Variants in HNF1A observed in about 807,000 individuals in gnomAD.
The protein encoded by HNF1A is HNF1 homeobox A, also known as hepatocyte nuclear factor 1-alpha.
HNF1A carries 21 observed loss-of-function variants against 62.2 expected under a neutral mutation model. The observed-to-expected ratio is 0.34, with a 90% CI of 0.24 to 0.49. The LOEUF is 0.49. Among genes scored for constraint, HNF1A ranks in the 20% least tolerant of loss-of-function variants. HNF1A has a pLI of 0.99. For missense variants in HNF1A, 687 were observed against 832.3 expected (o/e 0.83, Z 2.15); for synonymous variants, 374 against 366.8 (o/e 1.02, Z -0.22).
intron 2 of HNF1A, among the ~76,000 whole-genome samples, chr12:120,989,600 G>A (rs549535280): frequency 1.3e-5 from 2 of 152,330 alleles, no homozygotes; most frequent in South Asian, 4.1e-4. Flanking sequence ...AAGTGGGAAA[G>A]TGGGAGAAAA....
At chr12:120,979,967 T>G (rs1876166932) in intron 1 of HNF1A, among the ~76,000 whole-genome samples, 1 of 150,960 alleles carries the variant, frequency 6.6e-6, no homozygotes, top group African/African-American at 2.4e-5. Flanking sequence ...GGGATGGGGG[T>G]GTGGGGGAGA....
At chr12:120,994,857 C>T (rs1292147116) in intron 4 of HNF1A, among the ~76,000 whole-genome samples, 3 of 150,190 alleles carry the variant, frequency 2.0e-5, no homozygotes, top group Non-Finnish European at 4.5e-5. Context: ...CTACTACATT[C>T]AACTCTACTC....
At chr12:120,984,790 C>G (rs1165449396) in intron 1 of HNF1A, among the ~76,000 whole-genome samples, 1 of 151,966 alleles carries the variant, frequency 6.6e-6, no homozygotes, top group Non-Finnish European at 1.5e-5. Flanking sequence ...CCAACTAGAT[C>G]ACCTTGCACA....
At position 121,002,421 on chromosome 12, in the gene HNF1A, G is replaced by A. The variant is rs1877562295; in HGVS notation, c.*1229G>A. On this transcript the variant is annotated 3_prime_UTR_variant, in exon 10 of 10. Transcript: ENST00000257555. ...CCTGGGATTCAGGAAAAGGCCTGGG[G>A]TGACCCGGCACCCCCTGCAGCTTGT... 1 of 531,640 alleles carries A rather than the reference G, an allele frequency of 1.9e-6. No homozygotes were observed. Among genetic ancestry groups the A allele is most frequent in the South Asian group, 1.5e-5 (1 of 65,098 alleles). 32.9% of individuals were successfully genotyped at this position (531,640 alleles called of 1,614,324 possible).
chr12:120,988,367 CCAGTCCATCCATCTAT>C (rs1047115898), intron 1 of HNF1A, among the ~76,000 whole-genome samples: 1 of 151,232 alleles, frequency 6.6e-6, no homozygotes, highest in African/African-American at 2.4e-5. Context: ...CATCCATCCA[CCAGTCCATCCATCTAT>C]CCACCAATTC....
intron 4 of HNF1A, among the ~76,000 whole-genome samples, chr12:120,995,731 T>C (rs1428198269): frequency 1.3e-5 from 2 of 151,778 alleles, no homozygotes; most frequent in Non-Finnish European, 2.9e-5. Context: ...CTCCACCCTA[T>C]ACCATTCCAC....
chr12:120,983,584 T>G (rs535709544), intron 1 of HNF1A, among the ~76,000 whole-genome samples: 1 of 151,724 alleles, frequency 6.6e-6, no homozygotes, highest in Non-Finnish European at 1.5e-5. Context: ...CTCACTCTGT[T>G]GCTGGGGGTG....
At chr12:120,993,748 T>C (rs778236286) in intron 3 of HNF1A, 42 bp downstream of exon 3, 1 of 1,601,214 alleles carries the variant, frequency 6.2e-7, no homozygotes, top group Admixed American at 1.7e-5. Flanking sequence ...TGGTCTGGGC[T>C]GCGGCAAGGC....
Position 120,997,607 on chromosome 12 carries a change from G to C in HNF1A, c.1443G>C (p.Gln481His), listed in dbSNP as rs2135847980. The change falls in exon 7 of 10, where the codon CAG becomes CAC. Residue 481 changes from glutamine to histidine, a missense_variant. Physicochemically the swap from Gln to His is conservative, Grantham distance 24 (BLOSUM62 0). Coordinates refer to ENST00000257555, the MANE Select transcript of HNF1A (RefSeq NM_000545.8). ...SYQQPLMPPV[Q>H]SHVTQSPFMA... ...AGCAGCCGCTCATGCCACCTGTGCA[G>C]AGCCATGTGACCCAGAGCCCCTTCA... The C allele has an allele frequency of 6.2e-7, 1 of 1,613,712 alleles. No homozygotes were observed. Among genetic ancestry groups the C allele is most frequent in the Non-Finnish European group, 8.5e-7 (1 of 1,179,898 alleles).
chr12:120,997,349 TGA>T, intron 6 of HNF1A, 123 bp from the exon 7 acceptor site: 3 of 1,338,042 alleles, frequency 2.2e-6, no homozygotes, highest in Non-Finnish European at 2.0e-6. Flanking sequence ...GGCTGTTTCC[TGA>T]CCACCCTGCC....
chr12:120,999,188 C>G (rs1331973472), intron 7 of HNF1A, 80 bp from the exon 8 acceptor site: 4 of 1,563,132 alleles, frequency 2.6e-6, no homozygotes, highest in Non-Finnish European at 3.5e-6. Context: ...CCCCATGCCC[C>G]CCTTTCCCCA....
Position 120,996,735 on chromosome 12 carries a change from G to C in HNF1A, c.1302G>C (p.Leu434=), listed in dbSNP as rs905017142. The stretch of plus-strand genomic sequence containing the variant: ...TCACCAACACAGGTGCCTCCACCCT[G>C]GTCATCGGTAAGCTGGTGGGGATGG... ...PTFTNTGAST[L]VIGLASTQAQ... is the part of the protein sequence containing the mutation. Residue 434 remains leucine, a synonymous_variant, in exon 6 of 10, where the codon CTG becomes CTC. Coordinates refer to ENST00000257555, the MANE Select transcript of HNF1A (RefSeq NM_000545.8). The surrounding 1 kb of genome is among the most constrained non-coding windows in gnomAD (Gnocchi z 4.5). The C allele has an allele frequency of 2.5e-6, 4 of 1,613,940 alleles. No individual in the cohort carries two copies. In the African/African-American group the frequency reaches 5.3e-5, roughly 22 times the overall value.
chr12:120,999,505 C>T lies in HNF1A; in HGVS notation c.1646C>T (p.Ala549Val). Residue 549 changes from alanine to valine, a missense_variant, in exon 9 of 10, where the codon GCC (alanine) becomes GTC (valine). Ala to Val is a moderately conservative substitution (Grantham distance 64, BLOSUM62 0). Around this residue, in one of 5 missense-constraint regions of HNF1A, gnomAD observed 408 missense variants for 455.3 expected, o/e 0.90. Transcript: ENST00000257555. ...CAGGTCTTCACCTCAGACACTGAGG[C>T]CTCCAGTGAGTCCGGGCTTCACACG... ...TKQVFTSDTEASSESGLHTPA... is the reference protein window; with the variant it reads ...TKQVFTSDTEVSSESGLHTPA... 5 of 1,613,746 alleles carry T rather than the reference C, an allele frequency of 3.1e-6. No individual in the cohort carries two copies. Among genetic ancestry groups the T allele is most frequent in the Non-Finnish European group, 2.5e-6 (3 of 1,179,952 alleles).
At chr12:120,987,881 G>C (rs1876600455) in intron 1 of HNF1A, among the ~76,000 whole-genome samples, 1 of 151,598 alleles carries the variant, frequency 6.6e-6, no homozygotes, top group South Asian at 2.1e-4. Context: ...TTTGAGACAG[G>C]GTCTTGTTCT....
At chr12:120,983,373 A>AG (rs1206967150) in intron 1 of HNF1A, among the ~76,000 whole-genome samples, 1 of 152,102 alleles carries the variant, frequency 6.6e-6, no homozygotes, top group East Asian at 1.9e-4. Context: ...TAGCAGTGTG[A>AG]GGTAGGGGTG....
Position 120,997,658 on chromosome 12 carries a change from C to A in HNF1A, c.1494C>A (p.Ser498Arg), listed in dbSNP as rs138145827. ...PFMATMAQLQSPHALYSHKPE... is the reference protein window; with the variant it reads ...PFMATMAQLQRPHALYSHKPE... ...TGGCCACCATGGCTCAGCTGCAGAGCCCCCACGGTGAGCGCCCTGTGCCCC... is the reference window on the plus strand; with the variant it reads ...TGGCCACCATGGCTCAGCTGCAGAGACCCCACGGTGAGCGCCCTGTGCCCC... Residue 498 changes from serine (S) to arginine (R), a missense_variant, in exon 7 of 10, where the codon AGC (serine) becomes AGA (arginine). Physicochemically the swap from Ser to Arg is moderately radical, Grantham distance 110. This residue lies in a region of HNF1A where 408 missense variants were observed against 455.3 expected (regional missense o/e 0.90). Transcript: ENST00000257555. 2.0e-5 allele frequency: 33 copies of A among 1,610,912 alleles called. No homozygotes were observed. Among genetic ancestry groups the A allele is most frequent in the Non-Finnish European group, 2.7e-5 (32 of 1,178,698 alleles).
Position 120,997,187 on chromosome 12 carries a change from G to A in HNF1A, c.1310-287G>A, listed in dbSNP as rs1819461504. On this transcript the variant is annotated intron_variant, in intron 6 of 9. Transcript: ENST00000257555. ...CTGACCCCATGGCCTTTGCACTGCT[G>A]TGGAACCCCAGGGCTCCAGGGAACC... The A allele has an allele frequency of 1.3e-5, 18 of 1,414,400 alleles. No homozygotes were observed. In the South Asian group the frequency reaches 2.5e-4, roughly 19 times the overall value. The allele number at this position is 1,414,400 out of a possible 1,614,324, so 87.6% of individuals were successfully genotyped here.
At chr12:120,984,540 T>C (rs1876415687) in intron 1 of HNF1A, among the ~76,000 whole-genome samples, 1 of 152,044 alleles carries the variant, frequency 6.6e-6, no homozygotes, top group African/African-American at 2.4e-5. Flanking sequence ...GGGTGATGGC[T>C]GCAGATGGGG....
intron 1 of HNF1A, among the ~76,000 whole-genome samples, chr12:120,980,042 C>T (rs1876172044): frequency 6.6e-6 from 1 of 152,156 alleles, no homozygotes; most frequent in African/African-American, 2.4e-5. Context: ...CTCCACCCTA[C>T]AGCGCCTGCT....
Sources: allele counts gnomAD v4.1 joint callset (sites outside exome capture counted in the v4.1 genomes callset), GRCh38; gene constraint gnomAD v4.1.1; regional missense constraint gnomAD v4.1.1; non-coding constraint Gnocchi (gnomAD v3.1); transcripts MANE v1.5; gene names NCBI Gene and HGNC (gene_info 2026-07-23, HGNC 2026-07-21).